The following CLYBL variants were observed in gnomAD, a reference collection of about 807,000 sequenced individuals.
CLYBL encodes the protein citramalyl-CoA lyase, mitochondrial.
In CLYBL, 31 loss-of-function variants were observed where a neutral mutation model predicts 38.9. The observed-to-expected ratio is 0.80, with a 90% CI of 0.60 to 1.08. The LOEUF is 1.08. Ranked by LOEUF, CLYBL falls within the 50% of genes least tolerant of loss-of-function variation. The pLI is 0.00. For missense variants in CLYBL, 434 were observed against 411.6 expected (o/e 1.05, Z -0.47); for synonymous variants, 171 against 158.6 (o/e 1.08, Z -0.59).
chr13:99,670,851 C>T (rs903785912), intron 1 of CLYBL, among the ~76,000 whole-genome samples: 3 of 152,180 alleles, frequency 2.0e-5, no homozygotes, highest in African/African-American at 7.2e-5. Context: ...GCTTGCTCCT[C>T]TTCTGTTCTT....
At chr13:99,732,043 G>C (rs1368701046) in intron 1 of CLYBL, among the ~76,000 whole-genome samples, 1 of 151,770 alleles carries the variant, frequency 6.6e-6, no homozygotes, top group African/African-American at 2.4e-5. Context: ...GTTTTCCTTG[G>C]GGCTATGTTT....
At chr13:99,866,947 C>T (rs2051763138) in intron 6 of CLYBL, among the ~76,000 whole-genome samples, 1 of 152,186 alleles carries the variant, frequency 6.6e-6, no homozygotes, top group Non-Finnish European at 1.5e-5. Flanking sequence ...CACCTACGGG[C>T]ATAGGCTGGC....
chr13:99,751,871 G>C (rs2139639000), intron 1 of CLYBL, among the ~76,000 whole-genome samples: 1 of 152,314 alleles, frequency 6.6e-6, no homozygotes, highest in South Asian at 2.1e-4. Flanking sequence ...ACATGGTGGG[G>C]AGTATAAAAT....
chr13:99,611,357 C>T (rs775317454), intron 1 of CLYBL, among the ~76,000 whole-genome samples: 2 of 152,062 alleles, frequency 1.3e-5, no homozygotes, highest in African/African-American at 2.4e-5. Context: ...GAGTTTTGAT[C>T]GAGTGGATTT....
intron 8 of CLYBL, 134 bp downstream of exon 8, chr13:99,891,571 G>A: frequency 1.8e-6 from 1 of 553,084 alleles, no homozygotes; most frequent in Non-Finnish European, 3.2e-6. Flanking sequence ...TTGTCTCACT[G>A]GCCAGTTATT....
At chr13:99,776,802 C>T (rs1271447747) in intron 2 of CLYBL, among the ~76,000 whole-genome samples, 1 of 151,854 alleles carries the variant, frequency 6.6e-6, no homozygotes, top group African/African-American at 2.4e-5. Context: ...ATTTGCATGA[C>T]AAGCCATTGA....
intron 1 of CLYBL, among the ~76,000 whole-genome samples, chr13:99,686,198 G>A (rs561002530): frequency 1.1e-4 from 16 of 152,274 alleles, no homozygotes; most frequent in Non-Finnish European, 1.8e-4. Context: ...AGCCCTGGGA[G>A]GAGACCTTCT....
At chr13:99,627,271 A>T (rs2046883633) in intron 1 of CLYBL, among the ~76,000 whole-genome samples, 1 of 152,084 alleles carries the variant, frequency 6.6e-6, no homozygotes, top group Non-Finnish European at 1.5e-5. Flanking sequence ...AAGATAAAAT[A>T]CTTAAAGAAA....
intron 1 of CLYBL, among the ~76,000 whole-genome samples, chr13:99,658,679 C>T (rs1165731689): frequency 5.3e-5 from 8 of 152,154 alleles, no homozygotes; most frequent in Admixed American, 4.6e-4. Context: ...AGCAGGTTCT[C>T]TGCGGAGTTT....
chr13:99,846,112 C>T (rs1375247056), intron 2 of CLYBL, among the ~76,000 whole-genome samples: 4 of 151,974 alleles, frequency 2.6e-5, no homozygotes, highest in Non-Finnish European at 5.9e-5. Context: ...ATAGCCACTG[C>T]ACTCCAGCCT....
intron 1 of CLYBL, among the ~76,000 whole-genome samples, chr13:99,682,756 A>C (rs938984936): frequency 2.0e-5 from 3 of 151,530 alleles, no homozygotes; most frequent in African/African-American, 7.3e-5. Context: ...TTTTCTTTTG[A>C]AACGGAGTCT....
intron 4 of CLYBL, among the ~76,000 whole-genome samples, chr13:99,863,448 T>C (rs1044073168): frequency 1.3e-5 from 2 of 150,040 alleles, no homozygotes; most frequent in Non-Finnish European, 3.0e-5. Flanking sequence ...GAATTAACTT[T>C]GAAATGTTCT....
intron 2 of CLYBL, among the ~76,000 whole-genome samples, chr13:99,835,699 T>TC (rs1258321867): frequency 6.6e-6 from 1 of 152,184 alleles, no homozygotes; most frequent in Non-Finnish European, 1.5e-5. Flanking sequence ...CATTTTTGCA[T>TC]CCCCAGGACC....
intron 7 of CLYBL, among the ~76,000 whole-genome samples, chr13:99,875,579 C>A (rs2052017569): frequency 6.6e-6 from 1 of 152,138 alleles, no homozygotes; most frequent in Non-Finnish European, 1.5e-5. Context: ...TTTCTCTAGC[C>A]AAAAATATTG....
At chr13:99,768,240 C>T (rs2049309570) in intron 1 of CLYBL, among the ~76,000 whole-genome samples, 1 of 128,876 alleles carries the variant, frequency 7.8e-6, no homozygotes, top group Admixed American at 9.6e-5. Context: ...GTCACCCAGG[C>T]TGGAGTGCAA....
chr13:99,825,751 A>G (rs1055373842), intron 2 of CLYBL, among the ~76,000 whole-genome samples: 17 of 152,192 alleles, frequency 1.1e-4, no homozygotes, highest in African/African-American at 3.9e-4. Flanking sequence ...TGTGTCAGGA[A>G]CTGGGCAGGT....
intron 2 of CLYBL, among the ~76,000 whole-genome samples, chr13:99,782,944 C>CA (rs34546130): frequency 0.2 from 29,962 of 152,040 alleles, 3,804 homozygotes; most frequent in Middle Eastern, 0.38. Context: ...GTTACATTCT[C>CA]AGTTAGTTCT....
intron 1 of CLYBL, among the ~76,000 whole-genome samples, chr13:99,771,050 T>G (rs932453141): frequency 1.9e-5 from 2 of 103,056 alleles, no homozygotes; most frequent in African/African-American, 3.7e-5. Flanking sequence ...TTTTTTTTTT[T>G]TGAGGCAAGG....
intron 1 of CLYBL, among the ~76,000 whole-genome samples, chr13:99,753,719 T>C (rs9557289): frequency 0.44 from 66,837 of 152,032 alleles, 14,939 homozygotes; most frequent in Middle Eastern, 0.5. Flanking sequence ...AGTGATGTTA[T>C]GACTTTCTAA....
Sources: gnomAD v4.1 joint callset for allele counts (sites outside exome capture counted in the v4.1 genomes callset) on GRCh38, gnomAD v4.1.1 for gene constraint, MANE v1.5 for transcripts, NCBI Gene and HGNC (gene_info 2026-07-23, HGNC 2026-07-21) for gene names.